The following HIVEP2 variants were observed in gnomAD, a reference collection of about 807,000 sequenced individuals.
HIVEP2 encodes the protein HIVEP zinc finger 2.
In HIVEP2, 14 loss-of-function variants were observed where a neutral mutation model predicts 180.7. The observed-to-expected ratio is 0.08, with a 90% confidence interval of 0.05 to 0.12. The LOEUF (loss-of-function observed/expected upper bound fraction) is 0.12, where lower values mean the gene tolerates loss of function less well. Ranked by LOEUF, HIVEP2 falls within the 10% of genes least tolerant of loss-of-function variation. HIVEP2 has a pLI of 1.00. For missense variants in HIVEP2, 2,579 were observed against 3,008.5 expected, an observed-to-expected ratio of 0.86 and a Z score of 3.34; for synonymous variants, 1,184 against 1,136.4, an observed-to-expected ratio of 1.04 and a Z score of -0.84.
intron 1 of HIVEP2, among the ~76,000 whole-genome samples, chr6:142,867,677 A>T (rs1420671017): frequency 6.6e-6 from 1 of 152,192 alleles, no homozygotes; most frequent in East Asian, 1.9e-4. Flanking sequence ...AGTTTTCCTG[A>T]GCCAATCAAA....
At chr6:142,939,779 C>CAT (rs1311353633) in intron 1 of HIVEP2, among the ~76,000 whole-genome samples, 2 of 152,186 alleles carry the variant, frequency 1.3e-5, no homozygotes, top group Non-Finnish European at 2.9e-5. Context: ...CTCTGTTGCT[C>CAT]ATTCTGACTC....
chr6:142,882,589 G>A (rs1349025763), intron 1 of HIVEP2, among the ~76,000 whole-genome samples: 5 of 151,628 alleles, frequency 3.3e-5, no homozygotes, highest in African/African-American at 1.2e-4. Context: ...ACTCCAGCCT[G>A]GGTGACAAAG....
At chr6:142,785,700 T>A (rs1775982601) in intron 2 of HIVEP2, among the ~76,000 whole-genome samples, 2 of 152,234 alleles carry the variant, frequency 1.3e-5, no homozygotes. Context: ...AGATGATGGC[T>A]ACTGGAAATG....
rs752875333 is a variant in HIVEP2 at position 142,772,891 on chromosome 6, C to T, written c.1848G>A (p.Lys616=). 9 of 1,614,086 alleles carry T rather than the reference C, an allele frequency of 5.6e-6. No homozygotes were observed. The African/African-American group carries it at 1.2e-4, about 22-fold the overall frequency. ...VEVEHHGRML[K]GISSSSLKEK... ...CCTTCAGGGATGAACTGCTGATACC[C>T]TTCAACATCCTGCCATGGTGCTCGA... The change falls in exon 5 of 10, where the codon AAG becomes AAA. Residue 616 remains lysine, a synonymous_variant. Coordinates refer to ENST00000367603, the MANE Select transcript of HIVEP2 (RefSeq NM_006734.4). This position sits in a 1 kb window ranked among gnomAD's most constrained non-coding sequence, Gnocchi z 4.9.
intron 2 of HIVEP2, among the ~76,000 whole-genome samples, chr6:142,835,641 C>T (rs1477154699): frequency 6.6e-6 from 1 of 152,042 alleles, no homozygotes; most frequent in Admixed American, 6.6e-5. Flanking sequence ...AAACTTTTTC[C>T]AAACAGCACC....
intron 2 of HIVEP2, among the ~76,000 whole-genome samples, chr6:142,829,820 G>A: frequency 6.6e-6 from 1 of 152,228 alleles, no homozygotes; most frequent in East Asian, 1.9e-4. Flanking sequence ...TAAGGATGAT[G>A]ACAGAATCAA....
intron 2 of HIVEP2, among the ~76,000 whole-genome samples, chr6:142,807,723 T>A (rs552590237): frequency 3.0e-4 from 46 of 152,190 alleles, no homozygotes; most frequent in African/African-American, 1.1e-3. Flanking sequence ...TTTGCAATAT[T>A]GGGAGGGACT....
chr6:142,845,523 T>G (rs1484508940), intron 1 of HIVEP2, among the ~76,000 whole-genome samples: 3 of 152,240 alleles, frequency 2.0e-5, no homozygotes, highest in Non-Finnish European at 2.9e-5. Flanking sequence ...CATCTGTGTT[T>G]CTGTGTCACC....
intron 8 of HIVEP2, 76 bp downstream of exon 8, chr6:142,761,388 T>G (rs1460235858): frequency 1.4e-6 from 1 of 707,126 alleles, no homozygotes; most frequent in Non-Finnish European, 2.5e-6. Context: ...ATATCTAAAC[T>G]TATTTTACTA....
chr6:142,853,964 C>A (rs1775754236), intron 1 of HIVEP2, among the ~76,000 whole-genome samples: 1 of 152,148 alleles, frequency 6.6e-6, no homozygotes, highest in Admixed American at 6.5e-5. Context: ...CACAAGGCAA[C>A]CGGGGAATTC....
chr6:142,928,229 A>T (rs1021905052), intron 1 of HIVEP2, among the ~76,000 whole-genome samples: 7 of 152,228 alleles, frequency 4.6e-5, no homozygotes, highest in Admixed American at 3.3e-4. Context: ...TTTTGCTGAG[A>T]AGCTAAAACT....
At chr6:142,848,443 G>A (rs552563127) in intron 1 of HIVEP2, among the ~76,000 whole-genome samples, 1 of 152,138 alleles carries the variant, frequency 6.6e-6, no homozygotes, top group Non-Finnish European at 1.5e-5. Flanking sequence ...CTAAAGGCTG[G>A]GCATGGTAGC....
intron 1 of HIVEP2, among the ~76,000 whole-genome samples, chr6:142,905,460 T>C (rs1240869394): frequency 1.3e-5 from 2 of 152,190 alleles, no homozygotes; most frequent in East Asian, 1.9e-4. Context: ...ATTACTTACA[T>C]TTTAAAAGCA....
At chr6:142,818,949 G>GA (rs1562249391) in intron 2 of HIVEP2, among the ~76,000 whole-genome samples, 1 of 139,028 alleles carries the variant, frequency 7.2e-6, no homozygotes, top group Non-Finnish European at 1.5e-5. Context: ...ATCAGCCAGG[G>GA]AAATATAGCA....
chr6:142,783,857 A>G (rs1775919907), intron 2 of HIVEP2, among the ~76,000 whole-genome samples: 1 of 152,198 alleles, frequency 6.6e-6, no homozygotes, highest in Non-Finnish European at 1.5e-5. Flanking sequence ...GAAATGCTAG[A>G]GTTAAAACTT....
At chr6:142,868,867 A>G (rs905523149) in intron 1 of HIVEP2, among the ~76,000 whole-genome samples, 1 of 152,218 alleles carries the variant, frequency 6.6e-6, no homozygotes, top group Non-Finnish European at 1.5e-5. Flanking sequence ...CTTATTTTTC[A>G]TAATTGATAA....
chr6:142,915,071 C>A (rs907449651), intron 1 of HIVEP2, among the ~76,000 whole-genome samples: 8 of 152,126 alleles, frequency 5.3e-5, no homozygotes, highest in Non-Finnish European at 1.0e-4. Flanking sequence ...TCACTGGACA[C>A]AATAATATTA....
At chr6:142,927,524 T>C (rs1220524625) in intron 1 of HIVEP2, among the ~76,000 whole-genome samples, 1 of 152,160 alleles carries the variant, frequency 6.6e-6, no homozygotes, top group African/African-American at 2.4e-5. Flanking sequence ...CCCTGAGACG[T>C]TTCTAAAAGC....
At chr6:142,780,119 A>G (rs1461912811) in intron 3 of HIVEP2, among the ~76,000 whole-genome samples, 1 of 152,260 alleles carries the variant, frequency 6.6e-6, no homozygotes, top group African/African-American at 2.4e-5. Flanking sequence ...TTTAAGATTC[A>G]AAACATTAAC....
Sources: allele counts gnomAD v4.1 joint callset (sites outside exome capture counted in the v4.1 genomes callset), GRCh38; gene constraint gnomAD v4.1.1; non-coding constraint Gnocchi (gnomAD v3.1); transcripts MANE v1.5; gene names NCBI Gene and HGNC (gene_info 2026-07-23, HGNC 2026-07-21).